Variants in GABRA2 observed in about 807,000 individuals in gnomAD.
GABRA2 encodes the protein gamma-aminobutyric acid type A receptor subunit alpha2, also known as gamma-aminobutyric acid receptor subunit alpha-2.
Under a neutral mutation model 48.7 loss-of-function variants are expected in GABRA2, and 16 were observed. That is an observed-to-expected ratio of 0.33 (90% CI 0.22 to 0.50). GABRA2 has a LOEUF of 0.50. GABRA2 is among the 20% of genes least tolerant of loss of function. The pLI, the probability that GABRA2 is intolerant of heterozygous loss-of-function variation, is 0.98. For synonymous variants in GABRA2, 185 were observed against 184.5 expected, an observed-to-expected ratio of 1.00 and a Z score of -0.02; for missense variants, 275 against 535.6, an observed-to-expected ratio of 0.51 and a Z score of 4.80.
intron 3 of GABRA2, among the ~76,000 whole-genome samples, chr4:46,372,503 G>A (rs931635860): frequency 2.0e-5 from 3 of 152,068 alleles, no homozygotes; most frequent in African/African-American, 7.2e-5. Context: ...AAAATAAAGA[G>A]TCGATGTTCT....
intron 3 of GABRA2, among the ~76,000 whole-genome samples, chr4:46,376,977 T>A (rs1207427891): frequency 6.6e-6 from 1 of 152,138 alleles, no homozygotes; most frequent in Non-Finnish European, 1.5e-5. Context: ...CCGCAAGTGA[T>A]CCACCAGCCT....
At chr4:46,377,549 G>A (rs1169325786) in intron 3 of GABRA2, among the ~76,000 whole-genome samples, 14 of 151,314 alleles carry the variant, frequency 9.3e-5, no homozygotes, top group South Asian at 4.2e-4. Context: ...CAGCCACCCC[G>A]TCTGGGAAGT....
rs184819973 is a variant in GABRA2 at position 46,295,747 on chromosome 4, G to C, written c.856+7713C>G. 2.6e-5 allele frequency among the ~76,000 whole-genome samples: 4 copies of C among 152,294 alleles called. No homozygotes were observed. In the East Asian group the frequency reaches 7.7e-4, roughly 29 times the overall value. ...TCGGGGTGATCAGCCCACCTACCTG[G>C]TGGCAGTTTGATTTTAATGGACCTC... is the stretch of plus-strand genomic sequence containing the variant. On this transcript the variant is annotated intron_variant, in intron 8 of 9. Coordinates refer to ENST00000381620, the MANE Select transcript of GABRA2 (RefSeq NM_000807.4).
Position 46,371,089 on chromosome 4 carries a change from C to T in GABRA2, c.187+14985G>A, listed in dbSNP as rs141968130. ...TATACAAACTAGTGTTTATTTTATA[C>T]TCTAGTATACAGCTTTGCCATCACA... is the stretch of plus-strand genomic sequence containing the variant. On this transcript the variant is annotated intron_variant, in intron 3 of 9. Transcript: ENST00000381620. Among the ~76,000 whole-genome samples, 20 of 152,206 alleles carry T rather than the reference C, an allele frequency of 1.3e-4. No individual in the cohort carries two copies. In the East Asian group the frequency reaches 3.5e-3, roughly 26 times the overall value.
At chr4:46,347,077 T>C (rs1156592411) in intron 3 of GABRA2, among the ~76,000 whole-genome samples, 1 of 151,872 alleles carries the variant, frequency 6.6e-6, no homozygotes, top group Non-Finnish European at 1.5e-5. Context: ...AAAATATTGT[T>C]GAAATCAATT....
At chr4:46,356,700 GAACAAGACAT>G (rs1736028984) in intron 3 of GABRA2, among the ~76,000 whole-genome samples, 1 of 152,138 alleles carries the variant, frequency 6.6e-6, no homozygotes, top group African/African-American at 2.4e-5. Context: ...TGAGCAGAAT[GAACAAGACAT>G]AACTGCTGTT....
intron 8 of GABRA2, among the ~76,000 whole-genome samples, chr4:46,265,359 G>T (rs919059905): frequency 8.6e-5 from 2 of 23,158 alleles, no homozygotes; most frequent in Non-Finnish European, 1.6e-4. Flanking sequence ...ATGTATCTGT[G>T]TGTGTGTGTG....
chr4:46,303,716 T>G, intron 7 of GABRA2, 104 bp from the exon 8 acceptor site: 1 of 953,436 alleles, frequency 1.0e-6, no homozygotes. Flanking sequence ...TTTTAAAAAA[T>G]AATATATCAC....
Position 46,368,875 on chromosome 4 carries a change from C to T in GABRA2, c.187+17199G>A, listed in dbSNP as rs187196411. On this transcript the variant is annotated intron_variant, in intron 3 of 9. Coordinates refer to ENST00000381620, the MANE Select transcript of GABRA2 (RefSeq NM_000807.4). ...CCCTTCATACAAGAAATGTGCTCTC[C>T]AGTTCTTCAATCTCCATTATGCTCC... 6 of 533,342 alleles carry T rather than the reference C, an allele frequency of 1.1e-5. No homozygotes were observed. The Admixed American group carries it at 1.7e-4, about 16-fold the overall frequency. 33.0% of individuals were successfully genotyped at this position (533,342 alleles called of 1,614,324 possible).
chr4:46,332,762 G>T, intron 3 of GABRA2, 80 bp from the exon 4 acceptor site: 1 of 835,190 alleles, frequency 1.2e-6, no homozygotes, highest in Non-Finnish European at 1.9e-6. Flanking sequence ...TACACGGTAT[G>T]GTTTGAAAGC....
At chr4:46,286,911 T>G (rs1722649486) in intron 8 of GABRA2, among the ~76,000 whole-genome samples, 1 of 152,194 alleles carries the variant, frequency 6.6e-6, no homozygotes, top group Non-Finnish European at 1.5e-5. Flanking sequence ...TTTTACATAC[T>G]CAATAATGTT....
intron 9 of GABRA2, among the ~76,000 whole-genome samples, chr4:46,253,422 G>T (rs1715202561): frequency 6.6e-6 from 1 of 151,476 alleles, no homozygotes. Flanking sequence ...CTGCATATTT[G>T]TATGTTGGCA....
intron 8 of GABRA2, among the ~76,000 whole-genome samples, chr4:46,264,156 ATT>A (rs35779859): frequency 6.6e-6 from 1 of 151,694 alleles, no homozygotes; most frequent in Admixed American, 6.6e-5. Context: ...AACACAACTG[ATT>A]TTTTTCTACG....
chr4:46,265,443 ATT>A (rs1717969900), intron 8 of GABRA2, among the ~76,000 whole-genome samples: 1 of 137,346 alleles, frequency 7.3e-6, no homozygotes, highest in Non-Finnish European at 1.5e-5. Flanking sequence ...TATATAATAT[ATT>A]GTGTATATAT....
intron 3 of GABRA2, chr4:46,366,718 AT>A (rs1036088769): frequency 1.3e-5 from 2 of 152,118 alleles, no homozygotes; most frequent in Admixed American, 1.3e-4. Context: ...CCTGTTAGAA[AT>A]TATAATTTAG....
Position 46,279,038 on chromosome 4 carries a change from G to C in GABRA2, c.857-16910C>G, listed in dbSNP as rs920134469. On this transcript the variant is annotated intron_variant, in intron 8 of 9. Coordinates refer to ENST00000381620, the MANE Select transcript of GABRA2 (RefSeq NM_000807.4). Reference sequence around the variant, plus strand: ...TATAATAAAGTGAATTATCAAAACAGAAAGTGGTTTTGGGAACTCCCAGAA... The same window carrying C: ...TATAATAAAGTGAATTATCAAAACACAAAGTGGTTTTGGGAACTCCCAGAA... Among the ~76,000 whole-genome samples, 4 of 151,780 alleles carry C rather than the reference G, an allele frequency of 2.6e-5. 1 individual carries two copies. The highest frequency in any genetic ancestry group is 4.1e-4 in the South Asian group (2 of 4,822).
chr4:46,378,772 G>A lies in GABRA2; in HGVS notation c.187+7302C>T, dbSNP rs377747453. The stretch of plus-strand genomic sequence containing the variant: ...AACCCGGGAGGTGGAGGCCACAGTG[G>A]GCTGAGATTGAGTCCACTGTATTCC... On this transcript the variant is annotated intron_variant, in intron 3 of 9. Coordinates refer to ENST00000381620, the MANE Select transcript of GABRA2 (RefSeq NM_000807.4). Among the ~76,000 whole-genome samples the A allele has an allele frequency of 6.6e-5, 10 of 152,084 alleles. No homozygotes were observed. The South Asian group carries it at 1.2e-3, about 19-fold the overall frequency.
chr4:46,263,336 T>C (rs1417488829), intron 8 of GABRA2, among the ~76,000 whole-genome samples: 1 of 152,098 alleles, frequency 6.6e-6, no homozygotes. Context: ...ATTAGCCCTA[T>C]TTTTCTTATC....
intron 9 of GABRA2, among the ~76,000 whole-genome samples, chr4:46,259,329 G>A (rs971758285): frequency 6.6e-6 from 1 of 151,760 alleles, no homozygotes; most frequent in Non-Finnish European, 1.5e-5. Context: ...ATCCAGCACT[G>A]TATTTTTCTA....
Sources: allele counts gnomAD v4.1 joint callset (sites outside exome capture counted in the v4.1 genomes callset), GRCh38; gene constraint gnomAD v4.1.1; transcripts MANE v1.5; gene names NCBI Gene and HGNC (gene_info 2026-07-23, HGNC 2026-07-21).